The following LRP1B variants were observed in gnomAD, a reference collection of about 807,000 sequenced individuals.
The protein encoded by LRP1B is LDL receptor related protein 1B.
LRP1B carries 217 observed loss-of-function variants against 556.6 expected under a neutral mutation model. The ratio of observed to expected loss-of-function variants is 0.39; its 90% CI spans 0.35 to 0.44. The LOEUF (loss-of-function observed/expected upper bound fraction) is 0.44. LRP1B is among the 20% of genes least tolerant of loss of function. The pLI is 1.00. For synonymous variants in LRP1B, 2,047 were observed against 1,865.8 expected (o/e 1.10, Z -2.50); for missense variants, 5,053 against 5,620.8 (o/e 0.90, Z 3.23).
At chr2:140,571,368 C>A in intron 43 of LRP1B, among the ~76,000 whole-genome samples, 1 of 151,706 alleles carries the variant, frequency 6.6e-6, no homozygotes, top group East Asian at 1.9e-4. Flanking sequence ...ACACCAACAA[C>A]AAGCTAACTG....
chr2:141,576,995 G>T (rs1686777377), intron 2 of LRP1B, among the ~76,000 whole-genome samples: 1 of 151,348 alleles, frequency 6.6e-6, no homozygotes, highest in Non-Finnish European at 1.5e-5. Context: ...TAATCTAATT[G>T]CTCACTTATT....
rs930447070 is a variant in LRP1B, at chr2:140,533,901, G to A, written c.7762+120C>T. On this transcript the variant is annotated intron_variant, in intron 47 of 90. Transcript: ENST00000389484. ...CTCCATTCCAACAGCATTTACCAAA[G>A]TGTGATCCATAGATGTTACTAGGTG... 23 of 1,011,354 alleles carry A rather than the reference G, an allele frequency of 2.3e-5. No homozygotes were observed. The African/African-American group carries it at 3.6e-4, about 16-fold the overall frequency. 62.6% of individuals were successfully genotyped at this position (1,011,354 alleles called of 1,614,324 possible).
At chr2:141,318,907 G>C (rs1687126264) in intron 3 of LRP1B, among the ~76,000 whole-genome samples, 2 of 152,080 alleles carry the variant, frequency 1.3e-5, no homozygotes, top group African/African-American at 4.8e-5. Flanking sequence ...AGATCACTGG[G>C]ATAAATTTAT....
chr2:141,945,911 C>T (rs530813474), intron 1 of LRP1B, among the ~76,000 whole-genome samples: 8 of 152,012 alleles, frequency 5.3e-5, no homozygotes, highest in South Asian at 4.2e-4. Flanking sequence ...AGGGAGAATG[C>T]GGTGATAAGA....
At chr2:141,436,091 G>A (rs1680754995) in intron 3 of LRP1B, among the ~76,000 whole-genome samples, 1 of 152,144 alleles carries the variant, frequency 6.6e-6, no homozygotes, top group Non-Finnish European at 1.5e-5. Flanking sequence ...CAAAAATTTA[G>A]TAAAATGTCT....
intron 84 of LRP1B, among the ~76,000 whole-genome samples, chr2:140,295,219 C>T (rs1160470522): frequency 6.6e-6 from 1 of 152,004 alleles, no homozygotes; most frequent in Non-Finnish European, 1.5e-5. Flanking sequence ...TGGATGTAAC[C>T]AGGTTGTATT....
intron 11 of LRP1B, among the ~76,000 whole-genome samples, chr2:141,044,602 T>C (rs1423481153): frequency 1.3e-5 from 2 of 151,554 alleles, no homozygotes; most frequent in African/African-American, 4.8e-5. Flanking sequence ...CATCAAAAAG[T>C]GGGCAAAGGA....
chr2:141,125,185 G>T lies in LRP1B; in HGVS notation c.1014-62912C>A, dbSNP rs553090672. Among the ~76,000 whole-genome samples, 67 of 152,162 alleles carry T rather than the reference G, an allele frequency of 4.4e-4. 1 individual carries two copies. The highest frequency in any genetic ancestry group is 1.5e-3 in the African/African-American group (61 of 41,538). On this transcript the variant is annotated intron_variant, in intron 7 of 90. Coordinates refer to ENST00000389484, the MANE Select transcript of LRP1B (RefSeq NM_018557.3). ...GTATCTTCTTTGGAAAAAATAAAGGGAATCATTTTGAAGAAACAGGATTAA... is the reference window on the plus strand; with the variant it reads ...GTATCTTCTTTGGAAAAAATAAAGGTAATCATTTTGAAGAAACAGGATTAA...
chr2:140,633,694 T>C (rs1054428178), intron 41 of LRP1B, among the ~76,000 whole-genome samples: 17 of 152,118 alleles, frequency 1.1e-4, no homozygotes, highest in Non-Finnish European at 2.2e-4. Flanking sequence ...ACACAAATAT[T>C]TAGTCCCATA....
intron 56 of LRP1B, among the ~76,000 whole-genome samples, chr2:140,494,169 T>C (rs1386496618): frequency 1.3e-5 from 2 of 152,204 alleles, no homozygotes; most frequent in Non-Finnish European, 2.9e-5. Context: ...TTTCTAAGTA[T>C]AATTGCTAAT....
intron 2 of LRP1B, among the ~76,000 whole-genome samples, chr2:141,759,072 T>C (rs1694430519): frequency 6.6e-6 from 1 of 152,092 alleles, no homozygotes. Flanking sequence ...AAATGTATCA[T>C]CACTCTAAAA....
intron 2 of LRP1B, among the ~76,000 whole-genome samples, chr2:141,578,880 C>T (rs554773949): frequency 9.9e-5 from 15 of 152,100 alleles, no homozygotes; most frequent in Admixed American, 2.0e-4. Context: ...TTCTATAATT[C>T]CCAGGGCAAC....
intron 1 of LRP1B, among the ~76,000 whole-genome samples, chr2:142,088,026 G>A (rs1290494125): frequency 1.3e-5 from 2 of 152,088 alleles, no homozygotes; most frequent in Non-Finnish European, 2.9e-5. Flanking sequence ...AATTATTTAT[G>A]TGTCAAAAGT....
intron 83 of LRP1B, among the ~76,000 whole-genome samples, chr2:140,301,027 CTATTATT>C (rs1341791410): frequency 6.6e-6 from 1 of 151,920 alleles, no homozygotes; most frequent in African/African-American, 2.4e-5. Flanking sequence ...TGTTTTATCT[CTATTATT>C]TATTTAAGAT....
chr2:140,827,302 C>T (rs986839018), intron 31 of LRP1B, among the ~76,000 whole-genome samples: 10 of 152,042 alleles, frequency 6.6e-5, no homozygotes, highest in African/African-American at 1.2e-4. Context: ...AGTGAGACAG[C>T]AATTTGTGAG....
At chr2:140,396,512 G>A (rs1037031356) in intron 66 of LRP1B, among the ~76,000 whole-genome samples, 1 of 152,080 alleles carries the variant, frequency 6.6e-6, no homozygotes, top group Non-Finnish European at 1.5e-5. Flanking sequence ...TTGAATCCTA[G>A]TTCTGGCTCC....
chr2:141,526,523 T>C (rs1684698318), intron 2 of LRP1B, among the ~76,000 whole-genome samples: 1 of 152,092 alleles, frequency 6.6e-6, no homozygotes, highest in Non-Finnish European at 1.5e-5. Flanking sequence ...ATATTCAATT[T>C]TTCCATTTTA....
intron 10 of LRP1B, among the ~76,000 whole-genome samples, chr2:141,050,893 GACTAGT>G: frequency 6.6e-6 from 1 of 151,910 alleles, no homozygotes; most frequent in East Asian, 1.9e-4. Context: ...TTTGACAAAG[GACTAGT>G]ATCCAGAATC....
chr2:140,820,560 C>T (rs1186806228), intron 31 of LRP1B, among the ~76,000 whole-genome samples: 1 of 152,014 alleles, frequency 6.6e-6, no homozygotes, highest in Non-Finnish European at 1.5e-5. Flanking sequence ...GAAAATAACA[C>T]ACACAGAAAT....
Sources: allele counts gnomAD v4.1 joint callset (sites outside exome capture counted in the v4.1 genomes callset), GRCh38; gene constraint gnomAD v4.1.1; transcripts MANE v1.5; gene names NCBI Gene and HGNC (gene_info 2026-07-23, HGNC 2026-07-21).